Variants in SLC16A12 observed in about 807,000 individuals in gnomAD.
SLC16A12 encodes the protein monocarboxylate transporter 12.
SLC16A12 carries 17 observed loss-of-function variants against 42.4 expected under a neutral mutation model. The observed-to-expected ratio is 0.40, with a 90% CI of 0.27 to 0.60. SLC16A12 has a LOEUF of 0.60. Among genes scored for constraint, SLC16A12 ranks in the 20% least tolerant of loss-of-function variants. The pLI is 0.42. For missense variants in SLC16A12, 544 were observed against 623.0 expected (o/e 0.87, Z 1.35); for synonymous variants, 224 against 229.4 (o/e 0.98, Z 0.21).
At chr10:89,533,143 T>TTTG (rs138123159) in intron 2 of SLC16A12, among the ~76,000 whole-genome samples, 1,921 of 151,646 alleles carry the variant, frequency 0.013, 31 homozygotes, top group Middle Eastern at 0.041. Flanking sequence ...AATTTGTTTT[T>TTTG]TTGTTGTTGT....
At chr10:89,505,184 A>G (rs539642134) in intron 2 of SLC16A12, among the ~76,000 whole-genome samples, 83 of 152,340 alleles carry the variant, frequency 5.4e-4, no homozygotes, top group African/African-American at 1.9e-3. Flanking sequence ...ATTATTTTAT[A>G]TACTTATAAT....
rs1024829842 is a variant in SLC16A12, at chr10:89,544,219, C to T, written c.-47+11663G>A. Among the ~76,000 whole-genome samples, 13 of 152,318 alleles carry T rather than the reference C, an allele frequency of 8.5e-5. No individual in the cohort carries two copies. The South Asian group carries it at 2.3e-3, about 27-fold the overall frequency. Reference sequence around the variant, plus strand: ...GTTTCTCTAGCTGAGTGCTGCTGTGCAGGTTGGTGGTTCTCTGACCGTCTA... The same window carrying T: ...GTTTCTCTAGCTGAGTGCTGCTGTGTAGGTTGGTGGTTCTCTGACCGTCTA... On this transcript the variant is annotated intron_variant, in intron 2 of 2. Coordinates refer to the SLC16A12 transcript ENST00000475682.
rs146176195 is a variant in SLC16A12 at position 89,442,365 on chromosome 10, T to C, written c.305-1114A>G. 6.8e-4 allele frequency among the ~76,000 whole-genome samples: 104 copies of C among 152,352 alleles called. 1 individual carries two copies. The highest frequency in any genetic ancestry group is 2.4e-3 in the African/African-American group (101 of 41,592). ...GGTCTTGCATAGAATTTAAATATGT[T>C]GCTTCTGACATAACCCTACTCAAAG... On this transcript the variant is annotated intron_variant, in intron 4 of 7. Coordinates refer to ENST00000371790, the MANE Select transcript of SLC16A12 (RefSeq NM_213606.4).
intron 2 of SLC16A12, among the ~76,000 whole-genome samples, chr10:89,487,995 TACAC>T (rs1554829904): frequency 1.1e-3 from 137 of 122,982 alleles, no homozygotes; most frequent in African/African-American, 3.8e-3. Context: ...TATATATATA[TACAC>T]ACACACATTT....
chr10:89,533,115 T>A (rs1843585870), intron 2 of SLC16A12, among the ~76,000 whole-genome samples: 1 of 151,908 alleles, frequency 6.6e-6, no homozygotes, highest in Non-Finnish European at 1.5e-5. Context: ...CTCATAAAAG[T>A]CAAAGTAACT....
intron 2 of SLC16A12, among the ~76,000 whole-genome samples, chr10:89,516,805 A>G (rs1843259391): frequency 6.6e-6 from 1 of 152,218 alleles, no homozygotes; most frequent in African/African-American, 2.4e-5. Flanking sequence ...TTGTGGCCCT[A>G]CTGATATTTC....
chr10:89,450,050 C>A (rs1842067510), intron 3 of SLC16A12, among the ~76,000 whole-genome samples: 1 of 152,178 alleles, frequency 6.6e-6, no homozygotes, highest in Admixed American at 6.5e-5. Context: ...CAAATCAAAA[C>A]CACAATGAGA....
At chr10:89,436,420 G>C in intron 6 of SLC16A12, 101 bp from the exon 7 acceptor site, 1 of 1,416,142 alleles carries the variant, frequency 7.1e-7, no homozygotes, top group East Asian at 2.3e-5. Flanking sequence ...GTTATTTACA[G>C]AGATGGCTTT....
intron 3 of SLC16A12, chr10:89,456,202 A>G (rs1289468469): frequency 1.3e-5 from 2 of 152,252 alleles, no homozygotes; most frequent in African/African-American, 2.4e-5. Context: ...TGAGGATTAA[A>G]TGATTTAATC....
chr10:89,462,733 T>C (rs1842322667), intron 2 of SLC16A12, 109 bp from the exon 3 acceptor site: 2 of 1,227,352 alleles, frequency 1.6e-6, no homozygotes, highest in Non-Finnish European at 2.2e-6. Context: ...TATGAGTATT[T>C]GTAACTATGA....
chr10:89,437,601 G>A (rs1374466395), intron 6 of SLC16A12, among the ~76,000 whole-genome samples: 1 of 151,908 alleles, frequency 6.6e-6, no homozygotes, highest in Non-Finnish European at 1.5e-5. Flanking sequence ...ATTTGATTGT[G>A]AAAATAGGTA....
In SLC16A12 at chr10:89,450,919, GTGTA is replaced by G. The variant is rs546698771; in HGVS notation, c.201-7064_201-7061del. ...TAACCAGAAATGTGTATATATGTGT[GTGTA>G]TGTGTGTATGTGCAGAGAAAGAGAA... On this transcript the variant is annotated intron_variant, in intron 3 of 7. Coordinates refer to ENST00000371790, the MANE Select transcript of SLC16A12 (RefSeq NM_213606.4). Among the ~76,000 whole-genome samples the G allele has an allele frequency of 2.6e-3, 394 of 152,240 alleles. 2 individuals carry two copies. The highest frequency in any genetic ancestry group is 9.2e-3 in the African/African-American group (381 of 41,526).
intron 2 of SLC16A12, among the ~76,000 whole-genome samples, chr10:89,533,382 CA>C (rs1314350570): frequency 6.6e-6 from 1 of 152,016 alleles, no homozygotes; most frequent in African/African-American, 2.4e-5. Context: ...CCCAAATGCC[CA>C]GAACAGCACT....
chr10:89,440,421 G>A (rs554371236), intron 5 of SLC16A12, among the ~76,000 whole-genome samples: 1 of 152,340 alleles, frequency 6.6e-6, no homozygotes, highest in South Asian at 2.1e-4. Flanking sequence ...CTCACTATGA[G>A]GTTACGTCCT....
chr10:89,516,912 CTTGT>C (rs1411232069), intron 2 of SLC16A12, among the ~76,000 whole-genome samples: 1 of 152,172 alleles, frequency 6.6e-6, no homozygotes, highest in Non-Finnish European at 1.5e-5. Flanking sequence ...GCCATGTTTA[CTTGT>C]TTGTTTCACT....
Position 89,471,864 on chromosome 10 carries a change from T to C in SLC16A12, c.-46-9240A>G, listed in dbSNP as rs1589687630. Among the ~76,000 whole-genome samples, 5 of 152,346 alleles carry C rather than the reference T, an allele frequency of 3.3e-5. 1 individual carries two copies. In the Middle Eastern group the frequency reaches 0.017, roughly 518 times the overall value. On this transcript the variant is annotated intron_variant, in intron 2 of 7. Transcript: ENST00000371790. ...TCTCATTGTAGTTTTAATTTGTACT[T>C]CCCCAATGACTAATTATATTAACCA...
chr10:89,442,210 G>A (rs1841923785), intron 4 of SLC16A12, among the ~76,000 whole-genome samples: 1 of 152,222 alleles, frequency 6.6e-6, no homozygotes, highest in Admixed American at 6.5e-5. Flanking sequence ...TCACAGAGCA[G>A]ATCTGTTCCC....
chr10:89,532,701 C>T (rs992695166), intron 2 of SLC16A12, among the ~76,000 whole-genome samples: 5 of 152,114 alleles, frequency 3.3e-5, no homozygotes, highest in East Asian at 3.8e-4. Context: ...AAGTTCATTT[C>T]GATAAGCCTT....
At chr10:89,485,813 TAAAG>T (rs1842735135) in intron 2 of SLC16A12, among the ~76,000 whole-genome samples, 2 of 126,694 alleles carry the variant, frequency 1.6e-5, no homozygotes, top group Admixed American at 1.5e-4. Flanking sequence ...CTGGGGAAGT[TAAAG>T]AAATTAATTT....
Sources: allele counts gnomAD v4.1 joint callset (sites outside exome capture counted in the v4.1 genomes callset), GRCh38; gene constraint gnomAD v4.1.1; transcripts MANE v1.5; gene names NCBI Gene and HGNC (gene_info 2026-07-23, HGNC 2026-07-21).